LRMDA: variants seen among roughly 807,000 people sequenced by gnomAD.
LRMDA encodes the protein leucine-rich melanocyte differentiation-associated protein.
A neutral mutation model predicts 29.8 loss-of-function variants in LRMDA; 18 were observed. The observed-to-expected ratio is 0.60, with a 90% CI of 0.42 to 0.90. The LOEUF (loss-of-function observed/expected upper bound fraction) is 0.90, where lower values mean the gene tolerates loss of function less well. Among genes scored for constraint, LRMDA ranks in the 40% least tolerant of loss-of-function variants. LRMDA has a pLI of 0.00. For missense variants in LRMDA, 273 were observed against 273.9 expected (o/e 1.00, Z 0.02); for synonymous variants, 125 against 109.4 (o/e 1.14, Z -0.89).
At chr10:76,339,969 C>A (rs200018474) in intron 6 of LRMDA, among the ~76,000 whole-genome samples, 2 of 146,490 alleles carry the variant, frequency 1.4e-5, no homozygotes, top group African/African-American at 5.1e-5. Flanking sequence ...ATAACTGACC[C>A]TAAGCAATGT....
chr10:76,251,277 G>T (rs1239632676), intron 5 of LRMDA, among the ~76,000 whole-genome samples: 13 of 108,856 alleles, frequency 1.2e-4, no homozygotes, highest in African/African-American at 4.4e-4. Context: ...ACGGAGTCTC[G>T]CTCTGTCACC....
intron 2 of LRMDA, among the ~76,000 whole-genome samples, chr10:75,734,431 A>T (rs1186487850): frequency 6.6e-6 from 1 of 151,488 alleles, no homozygotes; most frequent in Non-Finnish European, 1.5e-5. Context: ...GGAGAATTGG[A>T]CTCTAGTCTG....
At chr10:75,993,365 G>T (rs1589280208) in intron 2 of LRMDA, among the ~76,000 whole-genome samples, 1 of 152,172 alleles carries the variant, frequency 6.6e-6, no homozygotes. Context: ...AACCTGGCAG[G>T]CATTGTTCTA....
chr10:75,910,037 A>AT (rs1221826642), intron 2 of LRMDA, among the ~76,000 whole-genome samples: 1 of 152,184 alleles, frequency 6.6e-6, no homozygotes, highest in Non-Finnish European at 1.5e-5. Flanking sequence ...AGGGACTGGA[A>AT]TTTTTCTTCA....
intron 2 of LRMDA, among the ~76,000 whole-genome samples, chr10:75,578,707 G>A (rs774070150): frequency 7.9e-5 from 12 of 152,118 alleles, no homozygotes; most frequent in Non-Finnish European, 1.2e-4. Flanking sequence ...TCAGACCACA[G>A]TGCAATCAAA....
At chr10:75,920,131 A>C (rs1846003035) in intron 2 of LRMDA, among the ~76,000 whole-genome samples, 1 of 152,060 alleles carries the variant, frequency 6.6e-6, no homozygotes, top group Non-Finnish European at 1.5e-5. Flanking sequence ...CTCTAGGCCT[A>C]GTAAGTACAT....
chr10:75,889,546 A>G (rs1845448206), intron 2 of LRMDA, among the ~76,000 whole-genome samples: 1 of 152,174 alleles, frequency 6.6e-6, no homozygotes, highest in East Asian at 1.9e-4. Flanking sequence ...TTGGTATTAA[A>G]TCATGCTTAA....
chr10:75,484,753 G>T (rs1368052893), intron 2 of LRMDA, among the ~76,000 whole-genome samples: 2 of 152,204 alleles, frequency 1.3e-5, no homozygotes, highest in African/African-American at 2.4e-5. Context: ...CAGAGAAGAG[G>T]CTGTGTGAGA....
intron 2 of LRMDA, among the ~76,000 whole-genome samples, chr10:75,540,246 G>A (rs1840000260): frequency 6.6e-6 from 1 of 152,176 alleles, no homozygotes; most frequent in Non-Finnish European, 1.5e-5. Flanking sequence ...GAGATAGCTT[G>A]TGCAAAGGTT....
chr10:75,627,369 C>A (rs557967067), intron 2 of LRMDA, among the ~76,000 whole-genome samples: 103 of 152,240 alleles, frequency 6.8e-4, no homozygotes, highest in African/African-American at 2.3e-3. Flanking sequence ...TAACAGTTTT[C>A]CTGTGTTCTT....
rs1445757103 is a variant in LRMDA, at chr10:76,433,990, TC to T, written c.601+109506del. The stretch of plus-strand genomic sequence containing the variant: ...CAAATGCATGGTTGACGCTTAGGCT[TC>T]TTCTTATCCCACTCCACCTCACCTT... On this transcript the variant is annotated intron_variant, in intron 6 of 6. Transcript: ENST00000611255. Among the ~76,000 whole-genome samples the T allele has an allele frequency of 1.4e-4, 22 of 152,312 alleles. No individual in the cohort carries two copies. The East Asian group carries it at 4.1e-3, about 28-fold the overall frequency.
At chr10:75,986,747 C>T (rs369269588) in intron 2 of LRMDA, among the ~76,000 whole-genome samples, 2 of 152,268 alleles carry the variant, frequency 1.3e-5, no homozygotes, top group South Asian at 2.1e-4. Flanking sequence ...CTTCTCACCA[C>T]ACCCAGCTTC....
At chr10:76,529,909 G>A (rs1843216290) in intron 6 of LRMDA, among the ~76,000 whole-genome samples, 2 of 152,096 alleles carry the variant, frequency 1.3e-5, no homozygotes, top group Admixed American at 6.6e-5. Flanking sequence ...GGGCCAATAG[G>A]TTTGACTTTG....
In LRMDA at chr10:76,048,744, A is replaced by G. The variant is rs565612156; in HGVS notation, c.398+1441A>G. 5.9e-5 allele frequency among the ~76,000 whole-genome samples: 9 copies of G among 152,222 alleles called. No individual in the cohort carries two copies. In the South Asian group the frequency reaches 1.9e-3, roughly 32 times the overall value. On this transcript the variant is annotated intron_variant, in intron 4 of 6. Coordinates refer to ENST00000611255, the MANE Select transcript of LRMDA (RefSeq NM_001305581.2). Reference sequence around the variant, plus strand: ...AGACACTCAGCTCCCAACAAGTTCAATTTCTTCCTTTACTGTCTCACACCA... The same window carrying G: ...AGACACTCAGCTCCCAACAAGTTCAGTTTCTTCCTTTACTGTCTCACACCA...
intron 6 of LRMDA, among the ~76,000 whole-genome samples, chr10:76,347,037 A>T (rs1841117166): frequency 6.6e-6 from 1 of 152,194 alleles, no homozygotes; most frequent in Admixed American, 6.5e-5. Context: ...GTCTAATTGG[A>T]GATATCTGGT....
intron 2 of LRMDA, among the ~76,000 whole-genome samples, chr10:75,483,205 C>T (rs1164596630): frequency 2.0e-5 from 3 of 152,204 alleles, no homozygotes; most frequent in Non-Finnish European, 4.4e-5. Context: ...CCTCAGCCTC[C>T]TAAAGTGCTG....
At chr10:76,106,806 G>C (rs1849492692) in intron 5 of LRMDA, among the ~76,000 whole-genome samples, 1 of 152,180 alleles carries the variant, frequency 6.6e-6, no homozygotes, top group African/African-American at 2.4e-5. Flanking sequence ...GAGGAAGCTG[G>C]AGCAGCTTCT....
intron 2 of LRMDA, among the ~76,000 whole-genome samples, chr10:76,021,027 G>A (rs1370727614): frequency 6.6e-6 from 1 of 152,178 alleles, no homozygotes; most frequent in African/African-American, 2.4e-5. Context: ...TGGGATTTGG[G>A]CCTGCTAGTA....
intron 2 of LRMDA, among the ~76,000 whole-genome samples, chr10:75,593,565 A>G (rs1321283198): frequency 6.6e-6 from 1 of 152,268 alleles, no homozygotes; most frequent in East Asian, 1.9e-4. Flanking sequence ...AAAGTATACG[A>G]ATGGATAGTT....
Sources: gnomAD v4.1 joint callset for allele counts (sites outside exome capture counted in the v4.1 genomes callset) on GRCh38, gnomAD v4.1.1 for gene constraint, MANE v1.5 for transcripts, NCBI Gene and HGNC (gene_info 2026-07-23, HGNC 2026-07-21) for gene names.